Variants in RGS7 observed in about 807,000 individuals in gnomAD.
RGS7 encodes the protein regulator of G protein signaling 7, also known as regulator of G-protein signaling 7.
In RGS7, 27 loss-of-function variants were observed where a neutral mutation model predicts 81.1. The ratio of observed to expected loss-of-function variants is 0.33; its 90% confidence interval spans 0.25 to 0.46. The LOEUF is 0.46. Ranked by LOEUF, RGS7 falls within the 20% of genes least tolerant of loss-of-function variation. The pLI is 1.00. For synonymous variants in RGS7, 208 were observed against 207.7 expected (o/e 1.00, Z -0.01); for missense variants, 396 against 607.4 (o/e 0.65, Z 3.66).
At chr1:241,183,842 C>T (rs762961858) in intron 2 of RGS7, among the ~76,000 whole-genome samples, 3 of 152,114 alleles carry the variant, frequency 2.0e-5, no homozygotes, top group Admixed American at 6.5e-5. Context: ...ACTTCTGTAC[C>T]GCCTTGGCAC....
intron 6 of RGS7, among the ~76,000 whole-genome samples, chr1:240,913,145 T>A (rs1672037910): frequency 6.6e-6 from 1 of 152,232 alleles, no homozygotes; most frequent in South Asian, 2.1e-4. Flanking sequence ...CAGGGATACA[T>A]CCCAAACATA....
chr1:241,322,895 T>C (rs2081290656), intron 2 of RGS7, among the ~76,000 whole-genome samples: 1 of 152,140 alleles, frequency 6.6e-6, no homozygotes, highest in Admixed American at 6.6e-5. Flanking sequence ...CAAATAAAAA[T>C]AGGATCATGA....
intron 6 of RGS7, chr1:240,920,266 G>T: frequency 7.8e-7 from 1 of 1,285,812 alleles, no homozygotes; most frequent in Non-Finnish European, 1.1e-6. Context: ...GGTGGTGATC[G>T]TGGTGGTGGT....
intron 10 of RGS7, chr1:240,823,467 G>A: frequency 4.3e-6 from 1 of 230,004 alleles, no homozygotes; most frequent in South Asian, 5.4e-5. Context: ...CACGGGCTGC[G>A]GCCGGGTCCG....
rs1381403503 is a variant in RGS7 at position 240,868,263 on chromosome 1, A to G, written c.609+324T>C. On this transcript the variant is annotated intron_variant, in intron 9 of 18. Coordinates refer to ENST00000440928, the MANE Select transcript of RGS7 (RefSeq NM_001364886.1). The surrounding 1 kb of genome is among the most constrained non-coding windows in gnomAD (Gnocchi z 5.1). ...ACACTTGTACTATGAAGCCAGAAAA[A>G]TGTAAACAATAAAACATGAAAAACT... Among the ~76,000 whole-genome samples the G allele has an allele frequency of 6.6e-6, 1 of 152,180 alleles. No homozygotes were observed. The highest frequency in any genetic ancestry group is 2.4e-5 in the African/African-American group (1 of 41,444).
At chr1:241,026,009 T>C (rs1455094252) in intron 3 of RGS7, among the ~76,000 whole-genome samples, 1 of 152,204 alleles carries the variant, frequency 6.6e-6, no homozygotes, top group Non-Finnish European at 1.5e-5. Flanking sequence ...AAAGCAGCAA[T>C]ACAAATGTAT....
chr1:240,993,615 G>C (rs1410760758), intron 3 of RGS7, among the ~76,000 whole-genome samples: 1 of 150,902 alleles, frequency 6.6e-6, no homozygotes, highest in Non-Finnish European at 1.5e-5. Flanking sequence ...TCCTCTCTTG[G>C]ATATGTGGTT....
At chr1:241,145,158 AG>A (rs2068221817) in intron 2 of RGS7, among the ~76,000 whole-genome samples, 1 of 151,924 alleles carries the variant, frequency 6.6e-6, no homozygotes, top group Non-Finnish European at 1.5e-5. Context: ...CTGGGATTAC[AG>A]GTGCCTGCCA....
chr1:241,020,311 A>G (rs997916728), intron 3 of RGS7, among the ~76,000 whole-genome samples: 2 of 152,182 alleles, frequency 1.3e-5, no homozygotes, highest in African/African-American at 4.8e-5. Flanking sequence ...ATTCTCTCAG[A>G]ATTCTGGAGT....
intron 4 of RGS7, among the ~76,000 whole-genome samples, chr1:240,964,939 T>C (rs1019791313): frequency 1.3e-5 from 2 of 152,228 alleles, no homozygotes; most frequent in East Asian, 1.9e-4. Flanking sequence ...TTCTGTTCTC[T>C]TGGGTAAGTG....
chr1:241,070,770 G>A (rs140835179), intron 3 of RGS7, among the ~76,000 whole-genome samples: 1,368 of 89,096 alleles, frequency 0.015, 30 homozygotes, highest in African/African-American at 0.053. Flanking sequence ...CCAACAGAAG[G>A]CCACGTTTGG....
intron 2 of RGS7, among the ~76,000 whole-genome samples, chr1:241,211,419 C>T (rs550922769): frequency 1.1e-4 from 17 of 152,282 alleles, no homozygotes; most frequent in African/African-American, 4.1e-4. Flanking sequence ...GCTTAGAAAT[C>T]CCTGAGCTTT....
chr1:240,793,842 G>A, intron 18 of RGS7, among the ~76,000 whole-genome samples: 1 of 151,704 alleles, frequency 6.6e-6, no homozygotes, highest in Non-Finnish European at 1.5e-5. Context: ...TCGATCTCCT[G>A]ACCTTGTGAT....
At chr1:240,890,883 A>G (rs2148143042) in intron 6 of RGS7, among the ~76,000 whole-genome samples, 1 of 152,320 alleles carries the variant, frequency 6.6e-6, no homozygotes, top group South Asian at 2.1e-4. Flanking sequence ...CAAATCCTAA[A>G]ATGTAGCTTG....
intron 3 of RGS7, among the ~76,000 whole-genome samples, chr1:241,033,532 T>C (rs924540135): frequency 3.3e-5 from 5 of 152,064 alleles, no homozygotes; most frequent in African/African-American, 7.2e-5. Flanking sequence ...AAATGATATT[T>C]TGAAAATTTT....
intron 2 of RGS7, among the ~76,000 whole-genome samples, chr1:241,294,572 T>C (rs1361478256): frequency 1.3e-5 from 2 of 152,242 alleles, no homozygotes; most frequent in Non-Finnish European, 2.9e-5. Flanking sequence ...TTATAAAGTC[T>C]ACCCTAGGGT....
intron 4 of RGS7, among the ~76,000 whole-genome samples, chr1:240,960,967 T>C (rs993461803): frequency 3.3e-5 from 5 of 152,184 alleles, no homozygotes; most frequent in Non-Finnish European, 5.9e-5. Context: ...GATACCAGAA[T>C]CTGTTTTAAT....
intron 4 of RGS7, among the ~76,000 whole-genome samples, chr1:240,978,434 T>G (rs993673250): frequency 9.2e-5 from 14 of 152,060 alleles, no homozygotes; most frequent in African/African-American, 3.4e-4. Context: ...TAAAGGAAGG[T>G]AGAAATAGAG....
intron 2 of RGS7, among the ~76,000 whole-genome samples, chr1:241,147,336 G>A (rs2068383171): frequency 6.6e-6 from 1 of 152,122 alleles, no homozygotes; most frequent in Non-Finnish European, 1.5e-5. Context: ...CACCTAAACT[G>A]CATAATCTAA....
Sources: allele counts gnomAD v4.1 joint callset (sites outside exome capture counted in the v4.1 genomes callset), GRCh38; gene constraint gnomAD v4.1.1; non-coding constraint Gnocchi (gnomAD v3.1); transcripts MANE v1.5; gene names NCBI Gene and HGNC (gene_info 2026-07-23, HGNC 2026-07-21).